Variants in PDE1C observed in about 807,000 individuals in gnomAD.
The protein encoded by PDE1C is dual specificity calcium/calmodulin-dependent 3',5'-cyclic nucleotide phosphodiesterase 1C.
A neutral mutation model predicts 93.1 loss-of-function variants in PDE1C; 62 were observed. The observed-to-expected ratio is 0.67, with a 90% CI of 0.54 to 0.82. The LOEUF is 0.82. Ranked by LOEUF, PDE1C falls within the 40% of genes least tolerant of loss-of-function variation. The pLI is 0.00. For missense variants in PDE1C, 742 were observed against 884.6 expected, an observed-to-expected ratio of 0.84 and a Z score of 2.04; for synonymous variants, 325 against 310.1, an observed-to-expected ratio of 1.05 and a Z score of -0.50.
At chr7:31,835,549 T>TGTGTGTGTGCGTGC (rs1554358104) in intron 11 of PDE1C, among the ~76,000 whole-genome samples, 13 of 148,576 alleles carry the variant, frequency 8.7e-5, no homozygotes, top group Non-Finnish European at 1.9e-4. Flanking sequence ...TGTGTGTGTG[T>TGTGTGTGTGCGTGC]GTGTGTGCGT....
In PDE1C at chr7:31,863,677, C is replaced by T. The variant is rs145930711; in HGVS notation, c.750+1265G>A. 1.3e-3 allele frequency among the ~76,000 whole-genome samples: 205 copies of T among 152,156 alleles called. 5 individuals are homozygous for T. The highest frequency in any genetic ancestry group is 4.6e-3 in the African/African-American group (190 of 41,510). ...CATAGGTTTTACAAAAATTCTGCAA[C>T]GTTTTAACAATAATGCCTAATTGTT... is the stretch of plus-strand genomic sequence containing the variant. On this transcript the variant is annotated intron_variant, in intron 7 of 17. Transcript: ENST00000396191.
intron 3 of PDE1C, among the ~76,000 whole-genome samples, chr7:32,083,559 C>T (rs1026417434): frequency 2.0e-5 from 3 of 152,018 alleles, no homozygotes; most frequent in Admixed American, 6.6e-5. Context: ...TCAGATTCAC[C>T]AAAGTTGAAA....
chr7:32,353,655 T>C lies in PDE1C; in HGVS notation c.310+74167A>G, dbSNP rs1225105632. ...TTTAAATCTTTTTAGTCTACAGGTA[T>C]TGCCTCCATTCTTTTTTATTTTCCT... is the stretch of plus-strand genomic sequence containing the variant. On this transcript the variant is annotated intron_variant, in intron 1 of 1. Coordinates refer to the PDE1C transcript ENST00000672256. 2.6e-5 allele frequency among the ~76,000 whole-genome samples: 4 copies of C among 152,018 alleles called. 1 individual carries two copies. Among genetic ancestry groups the C allele is most frequent in the African/African-American group, 4.8e-5 (2 of 41,398 alleles).
At chr7:32,419,900 T>C (rs1785357882) in intron 1 of PDE1C, among the ~76,000 whole-genome samples, 1 of 150,974 alleles carries the variant, frequency 6.6e-6, no homozygotes, top group Admixed American at 6.6e-5. Flanking sequence ...GTCCTGGCAC[T>C]ACTCTGAACC....
At chr7:32,039,966 T>G (rs915231077) in intron 2 of PDE1C, among the ~76,000 whole-genome samples, 5 of 152,210 alleles carry the variant, frequency 3.3e-5, no homozygotes, top group African/African-American at 7.2e-5. Context: ...TATACTGTGT[T>G]TATATAAGCC....
At chr7:31,820,371 TAAA>T (rs1330946942) in intron 14 of PDE1C, among the ~76,000 whole-genome samples, 3 of 151,814 alleles carry the variant, frequency 2.0e-5, no homozygotes, top group Non-Finnish European at 2.9e-5. Context: ...AAATAAATGT[TAAA>T]AAAAAGTACT....
intron 1 of PDE1C, among the ~76,000 whole-genome samples, chr7:32,404,600 A>G (rs1785014996): frequency 6.6e-6 from 1 of 151,988 alleles, no homozygotes; most frequent in African/African-American, 2.4e-5. Context: ...GGCTCAAGCA[A>G]TCCTCCTGCC....
intron 2 of PDE1C, among the ~76,000 whole-genome samples, chr7:32,009,144 C>T (rs1285318540): frequency 6.6e-6 from 1 of 152,156 alleles, no homozygotes; most frequent in Non-Finnish European, 1.5e-5. Context: ...CATCAGGCCA[C>T]AAGGAACAGG....
intron 3 of PDE1C, chr7:32,077,731 C>T (rs937075465): frequency 1.5e-4 from 49 of 332,042 alleles, no homozygotes; most frequent in African/African-American, 6.5e-4. Context: ...CCACCACACC[C>T]GGCTAATTTT....
At chr7:31,720,114 G>C in the PDE1C span, among the ~76,000 whole-genome samples, 1 of 131,908 alleles carries the variant, frequency 7.6e-6, no homozygotes, top group Non-Finnish European at 1.5e-5. Context: ...AGTGAGCCGA[G>C]ATTGCGCCAC....
chr7:31,770,898 C>A (rs913359078), intron 17 of PDE1C, among the ~76,000 whole-genome samples: 1 of 152,230 alleles, frequency 6.6e-6, no homozygotes, highest in East Asian at 1.9e-4. Context: ...TATCCTCCAA[C>A]ATTAATTAAC....
intron 3 of PDE1C, among the ~76,000 whole-genome samples, chr7:32,089,483 C>G (rs1797336622): frequency 6.6e-6 from 1 of 152,162 alleles, no homozygotes; most frequent in South Asian, 2.1e-4. Context: ...CCAACCACGT[C>G]AAGCTATCTT....
intron 2 of PDE1C, among the ~76,000 whole-genome samples, chr7:31,913,366 A>G (rs1801492125): frequency 1.3e-5 from 2 of 152,064 alleles, no homozygotes; most frequent in African/African-American, 4.8e-5. Context: ...TGCTTTACGG[A>G]GGTTATGTCT....
chr7:31,926,763 T>C (rs1374711540), intron 2 of PDE1C, among the ~76,000 whole-genome samples: 1 of 152,214 alleles, frequency 6.6e-6, no homozygotes, highest in Non-Finnish European at 1.5e-5. Flanking sequence ...CCAGCCCAGA[T>C]GCTATGCTTT....
intron 8 of PDE1C, among the ~76,000 whole-genome samples, chr7:31,849,333 G>C (rs537030704): frequency 4.6e-5 from 7 of 152,112 alleles, no homozygotes; most frequent in African/African-American, 1.7e-4. Context: ...TCAGAGCAAA[G>C]GTTCCACCCA....
chr7:31,880,885 T>C, intron 2 of PDE1C, 25 bp from the exon 3 acceptor site: 1 of 1,339,654 alleles, frequency 7.5e-7, no homozygotes, highest in Non-Finnish European at 1.1e-6. Flanking sequence ...AGACATAATT[T>C]CATTAGAATA....
chr7:32,129,053 T>A (rs768190984), intron 3 of PDE1C, among the ~76,000 whole-genome samples: 32 of 149,794 alleles, frequency 2.1e-4, no homozygotes, highest in Non-Finnish European at 4.0e-4. Flanking sequence ...TCATTATAAG[T>A]GATATTGACA....
At chr7:32,376,558 T>C (rs1156595539) in intron 1 of PDE1C, among the ~76,000 whole-genome samples, 1 of 152,152 alleles carries the variant, frequency 6.6e-6, no homozygotes, top group Non-Finnish European at 1.5e-5. Context: ...CTACCTTTTC[T>C]CTCCCCTTAA....
At chr7:32,194,110 T>C (rs901947543) in intron 2 of PDE1C, among the ~76,000 whole-genome samples, 22 of 152,156 alleles carry the variant, frequency 1.4e-4, no homozygotes, top group Non-Finnish European at 3.2e-4. Context: ...GAGACAGGGT[T>C]TCACCATGTT....
Sources: allele counts gnomAD v4.1 joint callset (sites outside exome capture counted in the v4.1 genomes callset), GRCh38; gene constraint gnomAD v4.1.1; transcripts MANE v1.5; gene names NCBI Gene and HGNC (gene_info 2026-07-23, HGNC 2026-07-21).